Variants in EFR3B observed in about 807,000 individuals in gnomAD.
EFR3B encodes the protein EFR3 homolog B.
In EFR3B, 64 loss-of-function variants were observed where a neutral mutation model predicts 104.7. The observed-to-expected ratio is 0.61, with a 90% confidence interval of 0.50 to 0.75. The LOEUF is 0.75. Ranked by LOEUF, EFR3B falls within the 30% of genes least tolerant of loss-of-function variation. The pLI is 0.00. For synonymous variants in EFR3B, 385 were observed against 417.9 expected (o/e 0.92, Z 0.96); for missense variants, 750 against 1,078.5 (o/e 0.70, Z 4.27).
At chr2:25,095,737 A>AT (rs1669258189) in intron 3 of EFR3B, among the ~76,000 whole-genome samples, 1 of 152,150 alleles carries the variant, frequency 6.6e-6, no homozygotes, top group Non-Finnish European at 1.5e-5. Flanking sequence ...TGTTAGGAGT[A>AT]TTCATTTTAT....
At chr2:25,106,072 C>G (rs760611720) in intron 4 of EFR3B, among the ~76,000 whole-genome samples, 1 of 152,198 alleles carries the variant, frequency 6.6e-6, no homozygotes, top group African/African-American at 2.4e-5. Flanking sequence ...CTCTCTGTGC[C>G]CAGACCTTCT....
Position 25,135,448 on chromosome 2 carries a change from G to T in EFR3B, c.1312-19G>T. 6.4e-7 allele frequency: 1 copy of T among 1,551,452 alleles called. No homozygotes were observed. Among genetic ancestry groups the T allele is most frequent in the South Asian group, 1.2e-5 (1 of 84,034 alleles). ...AGGGACAGCATTCCTAGGCATAGCT[G>T]TCCATACCTCCCTTGCAGGTATCCA... On this transcript the variant is annotated intron_variant, in intron 12 of 22. Coordinates refer to ENST00000403714, the MANE Select transcript of EFR3B (RefSeq NM_014971.2).
Position 25,139,149 on chromosome 2 carries a change from C to A in EFR3B, c.1813C>A (p.Gln605Lys). 6.4e-7 allele frequency: 1 copy of A among 1,551,688 alleles called. No homozygotes were observed. Among genetic ancestry groups the A allele is most frequent in the South Asian group, 1.2e-5 (1 of 84,036 alleles). Residue 605 changes from glutamine to lysine, a missense_variant, in exon 16 of 23, where the codon CAG becomes AAG. Physicochemically the swap from Gln to Lys is moderately conservative, Grantham distance 53 (BLOSUM62 1). Transcript: ENST00000403714. ...LGAAYLNLIS[Q>K]LTTVPAFCQH... The stretch of plus-strand genomic sequence containing the variant: ...CGCAGCCTACCTGAACCTCATCAGT[C>A]AGCTCACAACAGTGCCTGCCTTCTG...
At chr2:25,071,219 C>G (rs1173372550) in intron 1 of EFR3B, among the ~76,000 whole-genome samples, 1 of 149,650 alleles carries the variant, frequency 6.7e-6, no homozygotes, top group Non-Finnish European at 1.5e-5. Context: ...CTTGGCCTCC[C>G]AAAGTGCTGG....
At chr2:25,132,083 G>C (rs952790241) in intron 10 of EFR3B, among the ~76,000 whole-genome samples, 172 bp downstream of exon 10, 1 of 151,474 alleles carries the variant, frequency 6.6e-6, no homozygotes, top group African/African-American at 2.4e-5. Context: ...GCGGCCCGGG[G>C]ATGGGGGTTG....
Position 25,131,880 on chromosome 2 carries a change from C to T in EFR3B, c.1116C>T (p.Arg372=). 1 of 1,542,934 alleles carries T rather than the reference C, an allele frequency of 6.5e-7. No homozygotes were observed. Among genetic ancestry groups the T allele is most frequent in the Non-Finnish European group, 8.7e-7 (1 of 1,143,230 alleles). ...GTKIIKEHEE[R]MFQEAVIKTV... is the part of the protein sequence containing the mutation. ...AGATCATCAAGGAGCACGAGGAGCG[C>T]ATGTTCCAGGAGGCCGTCATCAAGA... is the stretch of plus-strand genomic sequence containing the variant. Residue 372 remains arginine (R), a synonymous_variant, in exon 10 of 23, where the codon CGC becomes CGT. Transcript: ENST00000403714. The surrounding 1 kb of genome is among the most constrained non-coding windows in gnomAD (Gnocchi z 7.6).
At chr2:25,126,332 G>A (rs905617061) in intron 5 of EFR3B, among the ~76,000 whole-genome samples, 2 of 151,800 alleles carry the variant, frequency 1.3e-5, no homozygotes, top group Admixed American at 6.6e-5. Flanking sequence ...GTGACTACAG[G>A]TGCGCACCAC....
intron 3 of EFR3B, among the ~76,000 whole-genome samples, chr2:25,103,424 T>C (rs1395019357): frequency 6.6e-6 from 1 of 152,246 alleles, no homozygotes; most frequent in Non-Finnish European, 1.5e-5. Context: ...AGTTGGTCTC[T>C]AGGCTTCCTT....
intron 5 of EFR3B, among the ~76,000 whole-genome samples, chr2:25,124,656 T>A (rs916382521): frequency 2.8e-5 from 4 of 143,192 alleles, no homozygotes; most frequent in African/African-American, 7.9e-5. Context: ...AGGAGAATTG[T>A]GTAAACCCGG....
rs534363290 is a variant in EFR3B at position 25,116,493 on chromosome 2, G to A, written c.364-5180G>A. 4.0e-5 allele frequency among the ~76,000 whole-genome samples: 6 copies of A among 151,318 alleles called. No individual in the cohort carries two copies. In the East Asian group the frequency reaches 5.9e-4, roughly 15 times the overall value. Reference sequence around the variant, plus strand: ...ACAAAAATTATCCAGGTGTGGTGGCGGGCACCTGTAATCCTAGCTTTTTGG... The same window carrying A: ...ACAAAAATTATCCAGGTGTGGTGGCAGGCACCTGTAATCCTAGCTTTTTGG... On this transcript the variant is annotated intron_variant, in intron 4 of 22. Coordinates refer to ENST00000403714, the MANE Select transcript of EFR3B (RefSeq NM_014971.2).
chr2:25,117,167 G>A (rs1669885140), intron 4 of EFR3B, among the ~76,000 whole-genome samples: 1 of 152,170 alleles, frequency 6.6e-6, no homozygotes, highest in Non-Finnish European at 1.5e-5. Context: ...GAGGCGAGAG[G>A]AAGAGAGTAG....
chr2:25,088,707 C>T (rs1669027554), intron 1 of EFR3B, among the ~76,000 whole-genome samples: 1 of 152,066 alleles, frequency 6.6e-6, no homozygotes, highest in African/African-American at 2.4e-5. Context: ...GATAGGACAC[C>T]CATGCATAGA....
At chr2:25,067,591 C>T (rs879703678) in intron 1 of EFR3B, among the ~76,000 whole-genome samples, 8 of 152,090 alleles carry the variant, frequency 5.3e-5, no homozygotes, top group Admixed American at 4.6e-4. Context: ...CCTGCCACCC[C>T]GCCTGGCTAA....
intron 3 of EFR3B, among the ~76,000 whole-genome samples, chr2:25,100,705 G>C (rs2149189732): frequency 6.6e-6 from 1 of 152,334 alleles, no homozygotes; most frequent in Admixed American, 6.5e-5. Flanking sequence ...TGTTAGCCAT[G>C]ATGGTCTCAA....
rs1254681658 is a variant in EFR3B at position 25,156,325 on chromosome 2, T to A, written c.*1985T>A. ...TTTTTTTTTTTTTTTTGAGACACCG[T>A]CTCGCTCTGTCACCCAGGCTGGAGT... On this transcript the variant is annotated 3_prime_UTR_variant, in exon 23 of 23. Coordinates refer to ENST00000403714, the MANE Select transcript of EFR3B (RefSeq NM_014971.2). 7 of 129,654 alleles carry A rather than the reference T, an allele frequency of 5.4e-5. No homozygotes were observed. Among genetic ancestry groups the A allele is most frequent in the African/African-American group, 1.9e-4 (6 of 31,946 alleles). The allele number at this position is 129,654 out of a possible 1,614,324, so 8.0% of individuals were successfully genotyped here.
intron 1 of EFR3B, among the ~76,000 whole-genome samples, chr2:25,075,717 G>A (rs563839721): frequency 6.6e-6 from 1 of 152,310 alleles, no homozygotes; most frequent in South Asian, 2.1e-4. Context: ...TATTAGATAA[G>A]AGCCTAGGTT....
chr2:25,093,332 A>G (rs1173704439), intron 3 of EFR3B, among the ~76,000 whole-genome samples: 1 of 152,122 alleles, frequency 6.6e-6, no homozygotes, highest in East Asian at 1.9e-4. Context: ...CATCTCTACA[A>G]AAAATTTAAA....
intron 1 of EFR3B, among the ~76,000 whole-genome samples, chr2:25,044,433 G>GT (rs1401604322): frequency 2.6e-5 from 4 of 152,228 alleles, no homozygotes; most frequent in Non-Finnish European, 5.9e-5. Flanking sequence ...AAAAAAGTGA[G>GT]TAAGGAGGTT....
chr2:25,110,866 T>C (rs519111), intron 4 of EFR3B, among the ~76,000 whole-genome samples: 56,113 of 152,098 alleles, frequency 0.37, 12,343 homozygotes, highest in Admixed American at 0.53. Context: ...TAGTAAAGAC[T>C]ATTTATTTGT....
Sources: gnomAD v4.1 joint callset for allele counts (sites outside exome capture counted in the v4.1 genomes callset) on GRCh38, gnomAD v4.1.1 for gene constraint, Gnocchi (gnomAD v3.1) non-coding constraint, MANE v1.5 for transcripts, NCBI Gene and HGNC (gene_info 2026-07-23, HGNC 2026-07-21) for gene names.